The following LUC7L variants were observed in gnomAD, a reference collection of about 807,000 sequenced individuals.
LUC7L encodes LUC7 like, also known as putative RNA-binding protein Luc7-like 1.
In LUC7L, 29 loss-of-function variants were observed where a neutral mutation model predicts 51.1. The ratio of observed to expected loss-of-function variants is 0.57; its 90% CI spans 0.42 to 0.77. LUC7L has a LOEUF of 0.77. Ranked by LOEUF, LUC7L falls within the 30% of genes least tolerant of loss-of-function variation. LUC7L has a pLI of 0.00. For synonymous variants in LUC7L, 181 were observed against 180.7 expected (o/e 1.00, Z -0.01); for missense variants, 403 against 511.9 (o/e 0.79, Z 2.05).
intron 5 of LUC7L, among the ~76,000 whole-genome samples, chr16:204,717 A>C (rs2049433682): frequency 6.6e-6 from 1 of 152,182 alleles, no homozygotes; most frequent in African/African-American, 2.4e-5. Context: ...GTCCGTCTGA[A>C]ATGGTAGCAA....
intron 5 of LUC7L, among the ~76,000 whole-genome samples, chr16:203,743 G>A (rs1299107765): frequency 3.3e-5 from 5 of 149,504 alleles, no homozygotes; most frequent in East Asian, 4.0e-4. Flanking sequence ...AGGGCTGGGC[G>A]CGGTGGCTCA....
chr16:225,703 G>A (rs1193137375), intron 2 of LUC7L, among the ~76,000 whole-genome samples: 3 of 150,606 alleles, frequency 2.0e-5, no homozygotes, highest in Admixed American at 6.6e-5. Flanking sequence ...CAGGCTGGTC[G>A]CCAACTCCCA....
intron 1 of LUC7L, 167 bp downstream of exon 1, chr16:229,112 C>G: frequency 2.1e-6 from 3 of 1,414,236 alleles, no homozygotes; most frequent in Admixed American, 3.1e-5. Context: ...CTCAGAGACG[C>G]ACCGGCTTAG....
In LUC7L at chr16:199,055, A is replaced by C. The variant is rs749511003; in HGVS notation, c.687+7T>G. On this transcript the variant is annotated splice_region_variant and intron_variant, in intron 6 of 9. Coordinates refer to ENST00000293872, the MANE Select transcript of LUC7L (RefSeq NM_201412.3). ...CCTCAGCTTTCTCCAGAAACAGATG[A>C]ACATACCCTCAACTGATCAAGCTTC... is the stretch of plus-strand genomic sequence containing the variant. 1.9e-6 allele frequency: 3 copies of C among 1,587,032 alleles called. No homozygotes were observed. The highest frequency in any genetic ancestry group is 2.6e-6 in the Non-Finnish European group (3 of 1,160,568).
At chr16:214,162 G>C (rs1476199462) in intron 3 of LUC7L, among the ~76,000 whole-genome samples, 1 of 151,890 alleles carries the variant, frequency 6.6e-6, no homozygotes, top group Non-Finnish European at 1.5e-5. Flanking sequence ...CTGCCTCCTG[G>C]GTTCAAGCTA....
chr16:200,139 T>C (rs1354216162), intron 5 of LUC7L, among the ~76,000 whole-genome samples: 2 of 150,224 alleles, frequency 1.3e-5, no homozygotes, highest in Non-Finnish European at 3.0e-5. Flanking sequence ...AATACAAAAA[T>C]TGGCCGGGCG....
At chr16:228,792 T>C in intron 1 of LUC7L, 3 of 1,287,030 alleles carry the variant, frequency 2.3e-6, no homozygotes, top group Non-Finnish European at 3.0e-6. Context: ...AAACCCACGT[T>C]AGAAAAGCTC....
At chr16:212,595 A>G (rs1039457587) in intron 3 of LUC7L, among the ~76,000 whole-genome samples, 1 of 152,158 alleles carries the variant, frequency 6.6e-6, no homozygotes, top group African/African-American at 2.4e-5. Context: ...AAAACTACAT[A>G]CAATCAGAAC....
At chr16:228,563 G>A in intron 1 of LUC7L, 1 of 1,196,180 alleles carries the variant, frequency 8.4e-7, no homozygotes, top group South Asian at 1.6e-5. Context: ...GAATGTGCCA[G>A]TGTGAACTTA....
chr16:207,540 AAAT>A (rs202089180), intron 4 of LUC7L, among the ~76,000 whole-genome samples: 1 of 152,192 alleles, frequency 6.6e-6, no homozygotes, highest in East Asian at 1.9e-4. Context: ...TAAAATTAAA[AAAT>A]AATGATAAAC....
In LUC7L at chr16:189,195, G is replaced by T; in HGVS notation, c.*3C>A. On this transcript the variant is annotated 3_prime_UTR_variant, in exon 10 of 10. Coordinates refer to ENST00000293872, the MANE Select transcript of LUC7L (RefSeq NM_201412.3). ...GACTATTTACAGCACCCGGGAGACG[G>T]GTTCAGATCTCGCCGGCCTCCTTCT... 1 of 1,612,062 alleles carries T rather than the reference G, an allele frequency of 6.2e-7. No individual in the cohort carries two copies. Among genetic ancestry groups the T allele is most frequent in the East Asian group, 2.2e-5 (1 of 44,826 alleles).
intron 2 of LUC7L, among the ~76,000 whole-genome samples, chr16:226,939 T>G (rs1052395244): frequency 6.6e-6 from 1 of 152,184 alleles, no homozygotes; most frequent in African/African-American, 2.4e-5. Context: ...AAAGGAGCAG[T>G]GGCTCATGCC....
chr16:217,324 T>C (rs1445560607), intron 3 of LUC7L, among the ~76,000 whole-genome samples: 1 of 152,052 alleles, frequency 6.6e-6, no homozygotes, highest in Non-Finnish European at 1.5e-5. Flanking sequence ...GTCCAGGAAT[T>C]TATTCTTTAT....
Position 189,890 on chromosome 16 carries a change from A to T in LUC7L, c.974+78T>A. On this transcript the variant is annotated intron_variant, in intron 9 of 9. Coordinates refer to ENST00000293872, the MANE Select transcript of LUC7L (RefSeq NM_201412.3). ...GAGCCCAGCCCCATCCCCACCAGAC[A>T]CGGCCCTCAGCAGACCCTGGGAACA... 5 of 1,545,368 alleles carry T rather than the reference A, an allele frequency of 3.2e-6. No individual in the cohort carries two copies. In the South Asian group the frequency reaches 6.2e-5, roughly 19 times the overall value.
At chr16:223,498 G>C (rs1370484895) in intron 2 of LUC7L, among the ~76,000 whole-genome samples, 1 of 152,122 alleles carries the variant, frequency 6.6e-6, no homozygotes, top group Non-Finnish European at 1.5e-5. Context: ...TTATTTTGAC[G>C]AAAGATTGAC....
At chr16:218,866 G>A (rs1596668739) in intron 3 of LUC7L, among the ~76,000 whole-genome samples, 2 of 140,322 alleles carry the variant, frequency 1.4e-5, no homozygotes, top group South Asian at 4.6e-4. Context: ...CAAGGTGGCA[G>A]GATCACTTGA....
rs186801071 is a variant in LUC7L, at chr16:191,433, G to A, written c.777-863C>T. Among the ~76,000 whole-genome samples the A allele has an allele frequency of 1.9e-3, 296 of 152,258 alleles. 1 individual carries two copies. Among genetic ancestry groups the A allele is most frequent in the African/African-American group, 6.9e-3 (287 of 41,554 alleles). ...CCCATGTACATCCGCAACACAAATG[G>A]CCTAAACATGACAGTGCATGTAAAA... On this transcript the variant is annotated intron_variant, in intron 7 of 9. Coordinates refer to ENST00000293872, the MANE Select transcript of LUC7L (RefSeq NM_201412.3).
rs112619322 is a variant in LUC7L at position 218,193 on chromosome 16, C to CA, written c.255+2455dup. Among the ~76,000 whole-genome samples, 1,032 of 136,726 alleles carry CA rather than the reference C, an allele frequency of 7.5e-3. 5 individuals are homozygous for CA. The highest frequency in any genetic ancestry group is 0.024 in the African/African-American group (895 of 37,306). The allele number at this position is 136,726 out of a possible 152,430, so 89.7% of individuals were successfully genotyped here. A position where few individuals can be genotyped will look rare whatever the true frequency, so the allele number is the denominator to read the frequency against. On this transcript the variant is annotated intron_variant, in intron 3 of 9. Coordinates refer to ENST00000293872, the MANE Select transcript of LUC7L (RefSeq NM_201412.3). The stretch of plus-strand genomic sequence containing the variant: ...AGGCAACAACAGTGACACTCCGTCT[C>CA]AAAAAAAAAAAAGGAAGAATTTACT...
chr16:211,959 C>T (rs1447271886), intron 3 of LUC7L, among the ~76,000 whole-genome samples: 1 of 152,178 alleles, frequency 6.6e-6, no homozygotes, highest in Non-Finnish European at 1.5e-5. Flanking sequence ...CAGACAGGTG[C>T]CCTTGTGCTG....
Sources: gnomAD v4.1 joint callset for allele counts (sites outside exome capture counted in the v4.1 genomes callset) on GRCh38, gnomAD v4.1.1 for gene constraint, MANE v1.5 for transcripts, NCBI Gene and HGNC (gene_info 2026-07-23, HGNC 2026-07-21) for gene names.